NRCAM: variants seen among roughly 807,000 people sequenced by gnomAD.
NRCAM encodes neuronal cell adhesion molecule, also known as NgCAM-related cell adhesion molecule.
NRCAM carries 83 observed loss-of-function variants against 156.5 expected under a neutral mutation model. The ratio of observed to expected loss-of-function variants is 0.53; its 90% CI spans 0.44 to 0.64. NRCAM has a LOEUF of 0.64. NRCAM is among the 30% of genes least tolerant of loss of function. NRCAM has a pLI of 0.00. For missense variants in NRCAM, 1,417 were observed against 1,597.3 expected, an observed-to-expected ratio of 0.89 and a Z score of 1.92; for synonymous variants, 538 against 563.9, an observed-to-expected ratio of 0.95 and a Z score of 0.65.
At chr7:108,187,795 CA>C (rs1164813143) in intron 20 of NRCAM, among the ~76,000 whole-genome samples, 19 of 147,208 alleles carry the variant, frequency 1.3e-4, no homozygotes, top group South Asian at 4.3e-4. Context: ...ACTAAAAATA[CA>C]AAAAAAAAAG....
intron 3 of NRCAM, among the ~76,000 whole-genome samples, chr7:108,249,228 T>C (rs1212722662): frequency 6.6e-6 from 1 of 152,166 alleles, no homozygotes; most frequent in Admixed American, 6.5e-5. Context: ...TCTGTAATCA[T>C]AACGGAACCA....
At chr7:108,174,400 T>C (rs1008870540) in intron 28 of NRCAM, among the ~76,000 whole-genome samples, 7 of 152,240 alleles carry the variant, frequency 4.6e-5, no homozygotes, top group African/African-American at 1.7e-4. Context: ...ATTTTTCTCT[T>C]GGTCTTCCTT....
Position 108,149,657 on chromosome 7 carries a change from T to C in NRCAM, c.*253A>G, listed in dbSNP as rs1474088839. 2 of 493,094 alleles carry C rather than the reference T, an allele frequency of 4.1e-6. No individual in the cohort carries two copies. Among genetic ancestry groups the C allele is most frequent in the Non-Finnish European group, 7.1e-6 (2 of 281,056 alleles). 30.5% of individuals were successfully genotyped at this position (493,094 alleles called of 1,614,324 possible). ...GAAATAACAGGATCTGTTGGTGATG[T>C]TGCATTATTTTTTATCAGTTCTGAG... On this transcript the variant is annotated 3_prime_UTR_variant, in exon 33 of 33. Coordinates refer to ENST00000379028, the MANE Select transcript of NRCAM (RefSeq NM_001037132.4).
intron 3 of NRCAM, among the ~76,000 whole-genome samples, chr7:108,248,577 G>C (rs866013583): frequency 6.6e-6 from 1 of 152,054 alleles, no homozygotes; most frequent in Non-Finnish European, 1.5e-5. Context: ...TTGATACTTC[G>C]CCTGTTCTAT....
chr7:108,281,341 A>G (rs2097851991), intron 3 of NRCAM, among the ~76,000 whole-genome samples: 1 of 152,188 alleles, frequency 6.6e-6, no homozygotes, highest in African/African-American at 2.4e-5. Context: ...TGGGCAATAA[A>G]AAAACGAATG....
At chr7:108,200,589 G>A (rs1282597114) in intron 13 of NRCAM, among the ~76,000 whole-genome samples, 1 of 152,128 alleles carries the variant, frequency 6.6e-6, no homozygotes, top group Non-Finnish European at 1.5e-5. Flanking sequence ...AGCATTTCTG[G>A]AGACTTGTTC....
chr7:108,204,948 T>A (rs1323434589), intron 13 of NRCAM, among the ~76,000 whole-genome samples: 1 of 152,138 alleles, frequency 6.6e-6, no homozygotes, highest in South Asian at 2.1e-4. Flanking sequence ...CCCACAAAAA[T>A]GTAATTTAAA....
chr7:108,268,636 T>TGGGGGGG (rs1300340254), intron 3 of NRCAM, among the ~76,000 whole-genome samples: 4 of 8,492 alleles, frequency 4.7e-4, no homozygotes, highest in African/African-American at 9.6e-4. Context: ...GGGGGGGGGT[T>TGGGGGGG]GGGGGGGGCG....
intron 20 of NRCAM, among the ~76,000 whole-genome samples, chr7:108,186,906 T>A (rs1283975271): frequency 6.6e-6 from 1 of 152,236 alleles, no homozygotes; most frequent in Non-Finnish European, 1.5e-5. Context: ...TGCAGAGATA[T>A]AACATTATCA....
At chr7:108,221,060 A>G (rs1295676006) in intron 11 of NRCAM, among the ~76,000 whole-genome samples, 1 of 152,234 alleles carries the variant, frequency 6.6e-6, no homozygotes, top group Non-Finnish European at 1.5e-5. Context: ...ACAGTTTTCA[A>G]AAGAAGATAC....
At chr7:108,347,103 T>A (rs965221401) in intron 2 of NRCAM, among the ~76,000 whole-genome samples, 7 of 128,062 alleles carry the variant, frequency 5.5e-5, no homozygotes, top group African/African-American at 2.0e-4. Flanking sequence ...AGTGGTGCAA[T>A]CTCGGCTCAC....
chr7:108,430,308 A>G (rs552797790), intron 1 of NRCAM, among the ~76,000 whole-genome samples: 2 of 152,322 alleles, frequency 1.3e-5, no homozygotes, highest in African/African-American at 4.8e-5. Context: ...AAAAGTAGAG[A>G]GAACAGGAGG....
chr7:108,155,099 T>TACACACAC (rs1430907685), intron 32 of NRCAM, among the ~76,000 whole-genome samples: 10 of 89,960 alleles, frequency 1.1e-4, no homozygotes, highest in Non-Finnish European at 1.1e-4. Context: ...TATATATATA[T>TACACACAC]ATACACACAC....
rs377216598 is a variant in NRCAM, at chr7:108,317,102, T to C, written c.-173-4371A>G. 6.5e-4 allele frequency among the ~76,000 whole-genome samples: 99 copies of C among 152,344 alleles called. 1 individual carries two copies. Among genetic ancestry groups the C allele is most frequent in the African/African-American group, 2.4e-3 (98 of 41,580 alleles). On this transcript the variant is annotated intron_variant, in intron 2 of 32. Coordinates refer to ENST00000379028, the MANE Select transcript of NRCAM (RefSeq NM_001037132.4). ...GTTGCACAGCATGGCCTTTGTCAGC[T>C]TGGGTGAAGAGTAGAGATCCTTCCC...
chr7:108,177,653 A>ACG (rs1363804486), intron 26 of NRCAM, among the ~76,000 whole-genome samples: 2 of 16,414 alleles, frequency 1.2e-4, no homozygotes, highest in Non-Finnish European at 2.4e-4. Flanking sequence ...ATATATATAT[A>ACG]TATATATGTA....
chr7:108,241,693 A>C (rs1589659882), intron 3 of NRCAM, among the ~76,000 whole-genome samples: 1 of 152,128 alleles, frequency 6.6e-6, no homozygotes, highest in Non-Finnish European at 1.5e-5. Flanking sequence ...AAAAAAGGAA[A>C]GGAGAAAAGG....
intron 2 of NRCAM, among the ~76,000 whole-genome samples, chr7:108,364,080 C>T (rs1417411829): frequency 3.4e-4 from 51 of 152,140 alleles, no homozygotes; most frequent in Non-Finnish European, 1.5e-4. Flanking sequence ...AAATGCAAGA[C>T]GTTAATAATA....
intron 11 of NRCAM, among the ~76,000 whole-genome samples, chr7:108,222,522 T>C (rs2092600622): frequency 6.6e-6 from 1 of 152,210 alleles, no homozygotes; most frequent in African/African-American, 2.4e-5. Context: ...GCCACTCTCT[T>C]ACACCATAAC....
chr7:108,414,817 T>C (rs920449073), intron 1 of NRCAM, among the ~76,000 whole-genome samples: 1 of 152,050 alleles, frequency 6.6e-6, no homozygotes, highest in African/African-American at 2.4e-5. Flanking sequence ...AGGGAGTGTG[T>C]TCCCTGGAGA....
Sources: gnomAD v4.1 joint callset for allele counts (sites outside exome capture counted in the v4.1 genomes callset) on GRCh38, gnomAD v4.1.1 for gene constraint, MANE v1.5 for transcripts, NCBI Gene and HGNC (gene_info 2026-07-23, HGNC 2026-07-21) for gene names.